The following EXT1 variants were observed in gnomAD, a reference collection of about 807,000 sequenced individuals.
EXT1 encodes the protein exostosin glycosyltransferase 1.
Under a neutral mutation model 82.5 loss-of-function variants are expected in EXT1, and 20 were observed. The observed-to-expected ratio is 0.24, with a 90% confidence interval of 0.17 to 0.35. The LOEUF is 0.35. Among genes scored for constraint, EXT1 ranks in the 10% least tolerant of loss-of-function variants. EXT1 has a pLI of 1.00. For synonymous variants in EXT1, 348 were observed against 350.8 expected, an observed-to-expected ratio of 0.99 and a Z score of 0.09; for missense variants, 757 against 936.5, an observed-to-expected ratio of 0.81 and a Z score of 2.50.
At chr8:117,913,654 G>A (rs1813694056) in intron 1 of EXT1, among the ~76,000 whole-genome samples, 2 of 152,188 alleles carry the variant, frequency 1.3e-5, no homozygotes, top group African/African-American at 4.8e-5. Flanking sequence ...GGATCTGGTG[G>A]CCTGCTACTC....
chr8:117,811,494 G>A (rs570808555), intron 8 of EXT1, among the ~76,000 whole-genome samples: 6 of 152,176 alleles, frequency 3.9e-5, no homozygotes, highest in Admixed American at 6.5e-5. Context: ...ATAGAGCTTC[G>A]GCTGCATAGA....
At chr8:117,972,667 C>A (rs1323128324) in intron 1 of EXT1, among the ~76,000 whole-genome samples, 1 of 152,134 alleles carries the variant, frequency 6.6e-6, no homozygotes. Context: ...GGGTAATTTA[C>A]GAAGGGAAAG....
chr8:117,909,957 G>A (rs1169483621), intron 1 of EXT1, among the ~76,000 whole-genome samples: 1 of 152,032 alleles, frequency 6.6e-6, no homozygotes, highest in South Asian at 2.1e-4. Flanking sequence ...TAGTAGAGAC[G>A]GGGTTTCACC....
At chr8:117,999,637 T>C (rs1034894366) in intron 1 of EXT1, among the ~76,000 whole-genome samples, 1 of 152,180 alleles carries the variant, frequency 6.6e-6, no homozygotes, top group African/African-American at 2.4e-5. Flanking sequence ...TCAATGCTAT[T>C]TCAATGCAAG....
At chr8:117,939,381 C>T (rs1814229687) in intron 1 of EXT1, among the ~76,000 whole-genome samples, 1 of 151,960 alleles carries the variant, frequency 6.6e-6, no homozygotes. Context: ...ACCAGCCTGA[C>T]CAACATGGCG....
rs7844255 is a variant in EXT1 at position 117,914,172 on chromosome 8, C to T, written c.963-76971G>A. Among the ~76,000 whole-genome samples, 738 of 152,266 alleles carry T rather than the reference C, an allele frequency of 4.8e-3. 1 individual carries two copies. Among genetic ancestry groups the T allele is most frequent in the South Asian group, 8.7e-3 (42 of 4,828 alleles). ...AGTCAAGGACCCCGAACAGAGGGAC[C>T]GGCTGGAGCCTCGGCAGAGGAACAT... On this transcript the variant is annotated intron_variant, in intron 1 of 10. Coordinates refer to ENST00000378204, the MANE Select transcript of EXT1 (RefSeq NM_000127.3).
At chr8:118,037,526 G>T (rs1234412229) in intron 1 of EXT1, among the ~76,000 whole-genome samples, 1 of 151,850 alleles carries the variant, frequency 6.6e-6, no homozygotes, top group Admixed American at 6.6e-5. Context: ...ATTCTTTATA[G>T]CACTCCCCTC....
intron 1 of EXT1, among the ~76,000 whole-genome samples, chr8:118,024,547 T>C: frequency 6.6e-6 from 1 of 152,020 alleles, no homozygotes; most frequent in South Asian, 2.1e-4. Context: ...AAAAACAGCT[T>C]CATTTCTGTC....
chr8:117,883,439 T>C (rs1302692980), intron 1 of EXT1, among the ~76,000 whole-genome samples: 1 of 152,246 alleles, frequency 6.6e-6, no homozygotes, highest in Non-Finnish European at 1.5e-5. Flanking sequence ...AGGCTTATCC[T>C]TATTGCCCTG....
In EXT1 at chr8:117,795,030, GAGA is replaced by G. The variant is rs976440442; in HGVS notation, c.*4679_*4681del. Reference sequence around the variant, plus strand: ...AAAGGACAGGGATGTATTCCTGTAGGAGAAGAACAGAAAACTATTGCAGAAATC... The same window carrying G: ...AAAGGACAGGGATGTATTCCTGTAGGAGAACAGAAAACTATTGCAGAAATC... On this transcript the variant is annotated 3_prime_UTR_variant, in exon 11 of 11. Coordinates refer to ENST00000378204, the MANE Select transcript of EXT1 (RefSeq NM_000127.3). The G allele has an allele frequency of 2.6e-5, 4 of 151,468 alleles. No individual in the cohort carries two copies. Among genetic ancestry groups the G allele is most frequent in the African/African-American group, 9.7e-5 (4 of 41,336 alleles). The allele number at this position is 151,468 out of a possible 1,614,324, so 9.4% of individuals were successfully genotyped here.
intron 1 of EXT1, among the ~76,000 whole-genome samples, chr8:118,103,159 AAAAG>A (rs1817752987): frequency 6.6e-6 from 1 of 152,026 alleles, no homozygotes; most frequent in Non-Finnish European, 1.5e-5. Flanking sequence ...GTCTCAAAAA[AAAAG>A]AAAGATAAGG....
intron 1 of EXT1, among the ~76,000 whole-genome samples, chr8:118,040,627 TCTC>T (rs1000607220): frequency 6.6e-6 from 1 of 152,158 alleles, no homozygotes; most frequent in African/African-American, 2.4e-5. Context: ...CCAAAGGTCA[TCTC>T]CTCCCTCAGC....
intron 1 of EXT1, among the ~76,000 whole-genome samples, chr8:117,905,021 A>T (rs1002002588): frequency 2.6e-5 from 4 of 152,206 alleles, no homozygotes; most frequent in East Asian, 1.9e-4. Context: ...TGCCTCAATT[A>T]AAAAAGCTGA....
At chr8:117,905,006 T>C (rs4377987) in intron 1 of EXT1, among the ~76,000 whole-genome samples, 7,657 of 152,218 alleles carry the variant, frequency 0.05, 646 homozygotes, top group African/African-American at 0.17. Context: ...TTTGGATATA[T>C]ATTATGCCTC....
At chr8:117,870,028 C>T (rs1018272536) in intron 1 of EXT1, among the ~76,000 whole-genome samples, 1 of 152,024 alleles carries the variant, frequency 6.6e-6, no homozygotes, top group Non-Finnish European at 1.5e-5. Context: ...TCAATGTCCC[C>T]CAACCTTGAA....
rs141271385 is a variant in EXT1 at position 118,075,722 on chromosome 8, C to A, written c.962+34363G>T. On this transcript the variant is annotated intron_variant, in intron 1 of 10. Transcript: ENST00000378204. ...TGGCAGTGGCATCTGCTCGGGTTCT[C>A]CTGAGGCCTCAGGAAGCTTAAGTCA... Among the ~76,000 whole-genome samples, 650 of 152,150 alleles carry A rather than the reference C, an allele frequency of 4.3e-3. 4 individuals are homozygous for A. The highest frequency in any genetic ancestry group is 0.014 in the African/African-American group (576 of 41,504).
At chr8:118,036,087 TC>T (rs200529464) in intron 1 of EXT1, among the ~76,000 whole-genome samples, 119 of 150,818 alleles carry the variant, frequency 7.9e-4, no homozygotes, top group African/African-American at 2.7e-3. Flanking sequence ...TTTTTTTTTT[TC>T]ATGTATCTGT....
At chr8:118,019,274 A>AGAAAGAAAGAAAGAAAGAAG (rs1491195932) in intron 1 of EXT1, among the ~76,000 whole-genome samples, 3 of 149,210 alleles carry the variant, frequency 2.0e-5, no homozygotes, top group African/African-American at 7.7e-5. Context: ...AAAGAAAGAA[A>AGAAAGAAAGAAAGAAAGAAG]GAAAGAAAGA....
intron 1 of EXT1, among the ~76,000 whole-genome samples, chr8:118,085,779 G>A (rs1319828876): frequency 1.3e-5 from 2 of 151,612 alleles, no homozygotes; most frequent in South Asian, 2.1e-4. Context: ...TTGTTGCAGA[G>A]CCTTGAAAAA....
Sources: gnomAD v4.1 joint callset for allele counts (sites outside exome capture counted in the v4.1 genomes callset) on GRCh38, gnomAD v4.1.1 for gene constraint, MANE v1.5 for transcripts, NCBI Gene and HGNC (gene_info 2026-07-23, HGNC 2026-07-21) for gene names.